Variants in NAALADL2 observed in about 807,000 individuals in gnomAD.
The protein encoded by NAALADL2 is N-acetylated alpha-linked acidic dipeptidase like 2.
A neutral mutation model predicts 87.2 loss-of-function variants in NAALADL2; 76 were observed. The observed-to-expected ratio is 0.87, with a 90% CI of 0.72 to 1.05. The LOEUF is 1.05. NAALADL2 is among the 50% of genes least tolerant of loss of function. NAALADL2 has a pLI of 0.00. For synonymous variants in NAALADL2, 354 were observed against 331.0 expected, an observed-to-expected ratio of 1.07 and a Z score of -0.75; for missense variants, 1,089 against 945.8, an observed-to-expected ratio of 1.15 and a Z score of -1.99.
At chr3:175,199,461 T>C (rs1739481729) in intron 2 of NAALADL2, among the ~76,000 whole-genome samples, 1 of 152,058 alleles carries the variant, frequency 6.6e-6, no homozygotes, top group Non-Finnish European at 1.5e-5. Context: ...TCTTTACATA[T>C]AATATGTAAA....
At chr3:175,093,416 T>TTATA (rs1179118417) in intron 1 of NAALADL2, among the ~76,000 whole-genome samples, 65 of 139,510 alleles carry the variant, frequency 4.7e-4, no homozygotes, top group Admixed American at 3.4e-3. Context: ...TTTTATTTTT[T>TTATA]TATATATATA....
At chr3:174,748,922 C>A (rs190903827) in intron 3 of NAALADL2, among the ~76,000 whole-genome samples, 1 of 152,208 alleles carries the variant, frequency 6.6e-6, no homozygotes. Context: ...AAAAAATAGT[C>A]AAGTTGAGTG....
At chr3:175,027,419 A>G (rs1017766267) in intron 1 of NAALADL2, among the ~76,000 whole-genome samples, 3 of 152,136 alleles carry the variant, frequency 2.0e-5, no homozygotes, top group Admixed American at 2.0e-4. Flanking sequence ...ATAGAAAAAA[A>G]CAATGATTTT....
chr3:175,435,897 T>G (rs562735510), intron 5 of NAALADL2, among the ~76,000 whole-genome samples: 9 of 151,206 alleles, frequency 6.0e-5, no homozygotes, highest in African/African-American at 2.2e-4. Flanking sequence ...ATGTGCACAT[T>G]GTGCAGGTTA....
At chr3:175,146,967 A>G (rs13089290) in intron 2 of NAALADL2, among the ~76,000 whole-genome samples, 44,972 of 152,062 alleles carry the variant, frequency 0.3, 6,865 homozygotes, top group Non-Finnish European at 0.34. Context: ...TATAGTCCCC[A>G]AATTATTTGC....
intron 2 of NAALADL2, among the ~76,000 whole-genome samples, chr3:174,609,912 T>C (rs1719622744): frequency 6.6e-6 from 1 of 151,998 alleles, no homozygotes. Flanking sequence ...GACTTCAAAC[T>C]ATACTACAAG....
intron 6 of NAALADL2, among the ~76,000 whole-genome samples, chr3:175,455,640 G>A (rs1270857700): frequency 1.3e-5 from 2 of 152,052 alleles, no homozygotes; most frequent in South Asian, 2.1e-4. Flanking sequence ...AAATGTGTGC[G>A]CATGTATTAG....
chr3:174,814,862 T>C (rs1720619018), intron 3 of NAALADL2, among the ~76,000 whole-genome samples: 1 of 152,182 alleles, frequency 6.6e-6, no homozygotes, highest in African/African-American at 2.4e-5. Flanking sequence ...GCAAGCTATG[T>C]TACTCACACA....
rs906748422 is a variant in NAALADL2, at chr3:175,805,198, T to A, written c.*1995T>A. 6.6e-6 allele frequency: 1 copy of A among 151,960 alleles called. No individual in the cohort carries two copies. Among genetic ancestry groups the A allele is most frequent in the East Asian group, 1.9e-4 (1 of 5,186 alleles). 9.4% of individuals were successfully genotyped at this position (151,960 alleles called of 1,614,324 possible). On this transcript the variant is annotated 3_prime_UTR_variant, in exon 14 of 14. Transcript: ENST00000454872. ...TAAAACAAATAAAGGCAAGCTATTA[T>A]CAGTTTGGTAGTTCATTATTTTAGA... is the stretch of plus-strand genomic sequence containing the variant.
chr3:174,859,801 A>G (rs190626831), intron 1 of NAALADL2, among the ~76,000 whole-genome samples: 5 of 152,298 alleles, frequency 3.3e-5, no homozygotes, highest in African/African-American at 7.2e-5. Flanking sequence ...CTTTTCCAAC[A>G]TTAACAGAAC....
At chr3:175,415,201 G>T (rs1023766140) in intron 5 of NAALADL2, among the ~76,000 whole-genome samples, 3 of 152,006 alleles carry the variant, frequency 2.0e-5, no homozygotes, top group Admixed American at 2.0e-4. Context: ...TTATTTGGTT[G>T]GTGCAAAAGT....
At chr3:175,713,884 C>G (rs1740872554) in intron 11 of NAALADL2, among the ~76,000 whole-genome samples, 1 of 151,992 alleles carries the variant, frequency 6.6e-6, no homozygotes, top group South Asian at 2.1e-4. Context: ...TTCTCTAGCC[C>G]CCCACTCCCC....
intron 4 of NAALADL2, among the ~76,000 whole-genome samples, chr3:175,295,806 A>G (rs1048818840): frequency 4.0e-5 from 6 of 151,852 alleles, no homozygotes; most frequent in Non-Finnish European, 8.8e-5. Context: ...TAAAGCCCTA[A>G]AACAATCATA....
chr3:174,643,941 G>T (rs193100947), intron 2 of NAALADL2, among the ~76,000 whole-genome samples: 13 of 152,204 alleles, frequency 8.5e-5, no homozygotes, highest in Admixed American at 8.5e-4. Flanking sequence ...ATTATGTTAC[G>T]GATAGTGGAG....
At chr3:175,160,283 G>T (rs1732956705) in intron 2 of NAALADL2, among the ~76,000 whole-genome samples, 1 of 149,572 alleles carries the variant, frequency 6.7e-6, no homozygotes, top group African/African-American at 2.5e-5. Flanking sequence ...TTTACAAGGG[G>T]CTAAATATAG....
At chr3:174,560,520 A>G (rs1560055728) in intron 2 of NAALADL2, among the ~76,000 whole-genome samples, 1 of 152,232 alleles carries the variant, frequency 6.6e-6, no homozygotes, top group Admixed American at 6.5e-5. Flanking sequence ...TGACTGGAAT[A>G]CAGGAGTAGC....
chr3:174,902,910 C>T (rs1461402476), intron 1 of NAALADL2, among the ~76,000 whole-genome samples: 1 of 151,946 alleles, frequency 6.6e-6, no homozygotes, highest in African/African-American at 2.4e-5. Context: ...GAAGATTGGA[C>T]AGAAATTGAG....
At chr3:174,825,614 A>G (rs918413021) in intron 3 of NAALADL2, among the ~76,000 whole-genome samples, 2 of 152,174 alleles carry the variant, frequency 1.3e-5, no homozygotes, top group Non-Finnish European at 2.9e-5. Flanking sequence ...CCTTAACCCA[A>G]TCAAGTTGAC....
chr3:174,825,244 T>C (rs1462391447), intron 3 of NAALADL2, among the ~76,000 whole-genome samples: 1 of 152,238 alleles, frequency 6.6e-6, no homozygotes, highest in African/African-American at 2.4e-5. Context: ...TAATTCAGTT[T>C]GCATCTTAAG....
Sources: gnomAD v4.1 joint callset for allele counts (sites outside exome capture counted in the v4.1 genomes callset) on GRCh38, gnomAD v4.1.1 for gene constraint, MANE v1.5 for transcripts, NCBI Gene and HGNC (gene_info 2026-07-23, HGNC 2026-07-21) for gene names.